The following AKAP11 variants were observed in gnomAD, a reference collection of about 807,000 sequenced individuals.
The protein encoded by AKAP11 is A-kinase anchoring protein 11, also known as A-kinase anchor protein 11.
Under a neutral mutation model 146.1 loss-of-function variants are expected in AKAP11, and 36 were observed. That is an observed-to-expected ratio of 0.25 (90% CI 0.19 to 0.33). The LOEUF is 0.33. Among genes scored for constraint, AKAP11 ranks in the 10% least tolerant of loss-of-function variants. The pLI is 1.00. For missense variants in AKAP11, 2,201 were observed against 2,197.0 expected (o/e 1.00, Z -0.04); for synonymous variants, 780 against 786.5 (o/e 0.99, Z 0.14).
rs1035881684 is a variant in AKAP11, at chr13:42,320,560, T to A, written c.*1332T>A. Reference sequence around the variant, plus strand: ...CTCTCACCTCCCCCACCCCCCACTCTCTCTCATCTCTCGCTGTGTCCTGTG... The same window carrying A: ...CTCTCACCTCCCCCACCCCCCACTCACTCTCATCTCTCGCTGTGTCCTGTG... On this transcript the variant is annotated 3_prime_UTR_variant, in exon 13 of 13. Transcript: ENST00000025301. The A allele has an allele frequency of 2.7e-5, 3 of 113,008 alleles. No homozygotes were observed. The highest frequency in any genetic ancestry group is 5.3e-5 in the Non-Finnish European group (3 of 56,746). The allele number at this position is 113,008 out of a possible 1,614,324, so 7.0% of individuals were successfully genotyped here.
At position 42,321,023 on chromosome 13, in the gene AKAP11, A is replaced by C. The variant is rs543844065; in HGVS notation, c.*1795A>C. On this transcript the variant is annotated 3_prime_UTR_variant, in exon 13 of 13. Coordinates refer to ENST00000025301, the MANE Select transcript of AKAP11 (RefSeq NM_016248.4). ...AGAAATGCAGGAATTGTATAACCAG[A>C]ATTGTTCCTGCCTTTAGCTTTTCAG... 6 of 152,446 alleles carry C rather than the reference A, an allele frequency of 3.9e-5. No homozygotes were observed. Among genetic ancestry groups the C allele is most frequent in the African/African-American group, 1.4e-4 (6 of 41,562 alleles). The allele number at this position is 152,446 out of a possible 1,614,324, so 9.4% of individuals were successfully genotyped here. A position where few individuals can be genotyped will look rare whatever the true frequency, so the allele number is the denominator to read the frequency against.
rs770860623 is a variant in AKAP11 at position 42,303,811 on chromosome 13, G to A, written c.5065G>A (p.Ala1689Thr). Residue 1689 changes from alanine to threonine, a missense_variant, in exon 8 of 13, where the codon GCC becomes ACC. Physicochemically the swap from Ala to Thr is moderately conservative, Grantham distance 58. Coordinates refer to ENST00000025301, the MANE Select transcript of AKAP11 (RefSeq NM_016248.4). ...QEGASFAESL[A>T]TETMTAAVTN... Reference sequence around the variant, plus strand: ...GGGTGCCAGCTTTGCTGAAAGCCTTGCCACAGAAACCATGACAGCAGCTGT... The same window carrying A: ...GGGTGCCAGCTTTGCTGAAAGCCTTACCACAGAAACCATGACAGCAGCTGT... The A allele has an allele frequency of 3.1e-6, 5 of 1,607,130 alleles. No homozygotes were observed. The African/African-American group carries it at 4.0e-5, about 13-fold the overall frequency.
rs978536759 is a variant in AKAP11, at chr13:42,319,179, G to A, written c.5657G>A (p.Ser1886Asn). ...TATGAAGTGATGGAAAAAGCTTCCA[G>A]TGAGGAGAGATGCAAGTCGCTGTTT... ...QYYEVMEKAS[S>N]EERCKSLFDW... Residue 1886 changes from serine (S) to asparagine (N), a missense_variant, in exon 13 of 13, where the codon AGT becomes AAT. Ser to Asn is a conservative substitution (Grantham distance 46). Coordinates refer to ENST00000025301, the MANE Select transcript of AKAP11 (RefSeq NM_016248.4). 6.2e-7 allele frequency: 1 copy of A among 1,613,906 alleles called. No individual in the cohort carries two copies. Among genetic ancestry groups the A allele is most frequent in the Non-Finnish European group, 8.5e-7 (1 of 1,179,962 alleles).
At chr13:42,315,781 G>A (rs1480284617) in intron 11 of AKAP11, among the ~76,000 whole-genome samples, 3 of 152,144 alleles carry the variant, frequency 2.0e-5, no homozygotes, top group Non-Finnish European at 4.4e-5. Flanking sequence ...TTAGAGATTG[G>A]TAAATTAGGA....
rs982430167 is a variant in AKAP11 at position 42,322,693 on chromosome 13, C to T, written c.*3465C>T. ...TTTTCTCATTTTCAGCAAGACTCCT[C>T]TAAGCATTTACTCATTTACTGTATT... On this transcript the variant is annotated 3_prime_UTR_variant, in exon 13 of 13. Transcript: ENST00000025301. The T allele has an allele frequency of 2.0e-5, 3 of 152,418 alleles. No homozygotes were observed. Among genetic ancestry groups the T allele is most frequent in the African/African-American group, 7.2e-5 (3 of 41,430 alleles). 9.4% of individuals were successfully genotyped at this position (152,418 alleles called of 1,614,324 possible).
rs1960886781 is a variant in AKAP11, at chr13:42,317,677, G to C, written c.5554G>C (p.Glu1852Gln). The change falls in exon 12 of 13, where the codon GAG becomes CAG. Residue 1852 changes from glutamate (E) to glutamine (Q), a missense_variant. Transcript: ENST00000025301. ...ELYFHDSANK[E>Q]FMLLSKQLQE... ...TTATTTTCATGACTCTGCAAATAAG[G>C]AGTTTATGCTAGTAAGTACCTACCT... The C allele has an allele frequency of 6.2e-7, 1 of 1,613,862 alleles. No homozygotes were observed. Among genetic ancestry groups the C allele is most frequent in the Non-Finnish European group, 8.5e-7 (1 of 1,179,904 alleles).
chr13:42,299,350 T>C lies in AKAP11; in HGVS notation c.617-13T>C. 1 of 1,567,756 alleles carries C rather than the reference T, an allele frequency of 6.4e-7. No individual in the cohort carries two copies. Among genetic ancestry groups the C allele is most frequent in the South Asian group, 1.2e-5 (1 of 83,716 alleles). The stretch of plus-strand genomic sequence containing the variant: ...TTCAAAAATAATTTCACCATTTCAT[T>C]CTTTTCCTATAGGAATGAACATTAC... On this transcript the variant is annotated splice_polypyrimidine_tract_variant and intron_variant, in intron 7 of 12. Transcript: ENST00000025301.
intron 9 of AKAP11, among the ~76,000 whole-genome samples, chr13:42,309,123 T>C (rs540419064): frequency 1.7e-4 from 26 of 151,626 alleles, no homozygotes; most frequent in Non-Finnish European, 3.7e-4. Flanking sequence ...GTCAAAGCCA[T>C]TATAAAAATG....
intron 3 of AKAP11, among the ~76,000 whole-genome samples, chr13:42,292,140 T>G (rs1285396897): frequency 1.3e-5 from 2 of 152,202 alleles, no homozygotes; most frequent in Non-Finnish European, 2.9e-5. Context: ...TCTCACGTGA[T>G]CTTCTAGTGA....
chr13:42,309,141 G>A (rs1399738614), intron 9 of AKAP11, among the ~76,000 whole-genome samples: 1 of 149,046 alleles, frequency 6.7e-6, no homozygotes. Flanking sequence ...ATGTGATTTT[G>A]TATAGCACAA....
intron 10 of AKAP11, 91 bp from the exon 11 acceptor site, chr13:42,313,803 A>G: frequency 9.3e-7 from 1 of 1,077,862 alleles, no homozygotes; most frequent in Non-Finnish European, 1.4e-6. Flanking sequence ...ATATTGTAAC[A>G]TTCATTCATT....
At chr13:42,318,241 A>G (rs1264086818) in intron 12 of AKAP11, among the ~76,000 whole-genome samples, 1 of 152,212 alleles carries the variant, frequency 6.6e-6, no homozygotes, top group East Asian at 1.9e-4. Flanking sequence ...TTTTTGTTCC[A>G]TAATTTTCTT....
At position 42,300,669 on chromosome 13, in the gene AKAP11, C is replaced by T. The variant is rs1959819432; in HGVS notation, c.1923C>T (p.Asn641=). The change falls in exon 8 of 13, where the codon AAC becomes AAT. Residue 641 remains asparagine (N), a synonymous_variant. Transcript: ENST00000025301. Reference sequence around the variant, plus strand: ...ATGTAAAGAAGCAGATATTCACAAACACAGTTGCTAGGTTTGCTGCAGATC... The same window carrying T: ...ATGTAAAGAAGCAGATATTCACAAATACAGTTGCTAGGTTTGCTGCAGATC... ...LQYVKKQIFT[N]TVARFAADLA... The T allele has an allele frequency of 1.9e-6, 3 of 1,613,988 alleles. No individual in the cohort carries two copies. The highest frequency in any genetic ancestry group is 8.5e-7 in the Non-Finnish European group (1 of 1,179,982).
intron 1 of AKAP11, among the ~76,000 whole-genome samples, chr13:42,272,601 C>T (rs1958802265): frequency 6.7e-6 from 1 of 149,690 alleles, no homozygotes; most frequent in Admixed American, 6.6e-5. Context: ...GGTGCGCGTG[C>T]TTAGTGTGTG....
intron 9 of AKAP11, among the ~76,000 whole-genome samples, chr13:42,312,809 T>C (rs1446551790): frequency 2.0e-5 from 3 of 152,244 alleles, no homozygotes; most frequent in Admixed American, 1.3e-4. Flanking sequence ...CTGTAAAATA[T>C]AAGTTTAGAT....
intron 3 of AKAP11, among the ~76,000 whole-genome samples, chr13:42,286,614 A>G (rs1255057342): frequency 6.6e-6 from 1 of 152,050 alleles, no homozygotes; most frequent in African/African-American, 2.4e-5. Context: ...CTTTCTCCCC[A>G]TTTTTTCTCT....
At position 42,313,104 on chromosome 13, in the gene AKAP11, C is replaced by A; in HGVS notation, c.5331C>A (p.Asp1777Glu). Residue 1777 changes from aspartate to glutamate, a missense_variant, in exon 10 of 13, where the codon GAC becomes GAA. Physicochemically the swap from Asp to Glu is conservative, Grantham distance 45 (BLOSUM62 2). Coordinates refer to ENST00000025301, the MANE Select transcript of AKAP11 (RefSeq NM_016248.4). ...GTTTAGAAGGAGATTTGTATGAGGA[C>A]AATTTATCCTTTCCAACATCAGACA... ...SLGLEGDLYE[D>E]NLSFPTSDSD... The A allele has an allele frequency of 1.2e-6, 2 of 1,613,108 alleles. No homozygotes were observed. The highest frequency in any genetic ancestry group is 8.5e-7 in the Non-Finnish European group (1 of 1,179,708).
rs112639103 is a variant in AKAP11, at chr13:42,301,121, A to G, written c.2375A>G (p.Tyr792Cys). 401 of 1,613,948 alleles carry G rather than the reference A, an allele frequency of 2.5e-4. No individual in the cohort carries two copies. The highest frequency in any genetic ancestry group is 3.2e-4 in the Non-Finnish European group (382 of 1,179,966). ...VPLAGSALLP[Y>C]HISSTACQAK... ...TTGGCAGGAAGTGCCCTTCTCCCAT[A>G]TCATATTTCATCTACTGCATGTCAG... Residue 792 changes from tyrosine (Y) to cysteine (C), a missense_variant, in exon 8 of 13, where the codon TAT becomes TGT. By Grantham distance (194) the Tyr-to-Cys change is radical. Coordinates refer to ENST00000025301, the MANE Select transcript of AKAP11 (RefSeq NM_016248.4).
At position 42,298,794 on chromosome 13, in the gene AKAP11, GAT is replaced by G; in HGVS notation, c.614_615del (p.Asp205GlyfsTer12). 1 of 1,547,088 alleles carries G rather than the reference GAT, an allele frequency of 6.5e-7. No individual in the cohort carries two copies. Among genetic ancestry groups the G allele is most frequent in the Non-Finnish European group, 8.6e-7 (1 of 1,159,354 alleles). ...EEEETSKPYN[D>X]GMNITVLRSQ... The stretch of plus-strand genomic sequence containing the variant: ...GGAAGAGACTTCAAAGCCATACAAT[GAT>G]GGTTTGTTTTTCATTAGACTTTTTC... On this transcript the variant is annotated frameshift_variant and splice_region_variant, in exon 7 of 13. Coordinates refer to ENST00000025301, the MANE Select transcript of AKAP11 (RefSeq NM_016248.4). LOFTEE classifies it high-confidence loss of function.
Sources: allele counts gnomAD v4.1 joint callset (sites outside exome capture counted in the v4.1 genomes callset), GRCh38; gene constraint gnomAD v4.1.1; transcripts MANE v1.5; gene names NCBI Gene and HGNC (gene_info 2026-07-23, HGNC 2026-07-21).